Variants in CPE observed in about 807,000 individuals in gnomAD.
CPE encodes carboxypeptidase E.
CPE carries 17 observed loss-of-function variants against 53.5 expected under a neutral mutation model. The ratio of observed to expected loss-of-function variants is 0.32; its 90% confidence interval spans 0.22 to 0.48. CPE has a LOEUF of 0.48. Ranked by LOEUF, CPE falls within the 20% of genes least tolerant of loss-of-function variation. The pLI is 0.99. For synonymous variants in CPE, 226 were observed against 228.8 expected, an observed-to-expected ratio of 0.99 and a Z score of 0.11; for missense variants, 524 against 614.7, an observed-to-expected ratio of 0.85 and a Z score of 1.56.
intron 1 of CPE, among the ~76,000 whole-genome samples, chr4:165,382,909 C>G (rs1367376565): frequency 1.3e-5 from 2 of 152,174 alleles, no homozygotes; most frequent in African/African-American, 4.8e-5. Flanking sequence ...ATAGCCAAAC[C>G]TATTCTGTGA....
intron 1 of CPE, among the ~76,000 whole-genome samples, chr4:165,463,465 C>T (rs1474711220): frequency 6.6e-6 from 1 of 152,006 alleles, no homozygotes; most frequent in East Asian, 1.9e-4. Flanking sequence ...AAAAACAGAG[C>T]CACAGAGAAC....
At chr4:165,465,967 A>T (rs979088396) in intron 2 of CPE, among the ~76,000 whole-genome samples, 2 of 152,216 alleles carry the variant, frequency 1.3e-5, no homozygotes, top group Non-Finnish European at 2.9e-5. Flanking sequence ...AATTTGATAA[A>T]TATCTCTTTA....
In CPE at chr4:165,467,676, T is replaced by C. The variant is rs764962318; in HGVS notation, c.505-12T>C. The C allele has an allele frequency of 2.6e-6, 4 of 1,548,512 alleles. No homozygotes were observed. The Admixed American group carries it at 6.3e-5, about 25-fold the overall frequency. ...AACTAATGATTTTTCTCTTTGACTT[T>C]TTTTTTTTTAGCCTGGTGAACTCAA... is the stretch of plus-strand genomic sequence containing the variant. On this transcript the variant is annotated splice_polypyrimidine_tract_variant and intron_variant, in intron 2 of 8. Transcript: ENST00000402744.
intron 1 of CPE, among the ~76,000 whole-genome samples, chr4:165,383,851 G>C (rs1730542780): frequency 6.6e-6 from 1 of 152,196 alleles, no homozygotes. Flanking sequence ...TTAGATCCTA[G>C]AGAAGAATCT....
intron 5 of CPE, among the ~76,000 whole-genome samples, chr4:165,484,922 A>G (rs1732481954): frequency 6.6e-6 from 1 of 152,212 alleles, no homozygotes; most frequent in Non-Finnish European, 1.5e-5. Context: ...AGGGAATAAG[A>G]TGGCATCCTT....
intron 1 of CPE, among the ~76,000 whole-genome samples, chr4:165,427,501 A>G (rs1039573218): frequency 2.6e-5 from 4 of 152,156 alleles, no homozygotes; most frequent in African/African-American, 9.7e-5. Flanking sequence ...ATTCCATTTT[A>G]TGGACATGGC....
At position 165,475,680 on chromosome 4, in the gene CPE, T is replaced by G. The variant is rs76233058; in HGVS notation, c.673-6562T>G. Among the ~76,000 whole-genome samples, 536 of 152,102 alleles carry G rather than the reference T, an allele frequency of 3.5e-3. 4 individuals are homozygous for G. The highest frequency in any genetic ancestry group is 0.012 in the African/African-American group (517 of 41,496). On this transcript the variant is annotated intron_variant, in intron 3 of 8. Coordinates refer to ENST00000402744, the MANE Select transcript of CPE (RefSeq NM_001873.4). ...AGTGGTTTTGGGGAAATAGCCAACT[T>G]TAGTTGAAAAAGCAGAGGAAACCCC...
chr4:165,383,166 T>A (rs6827512), intron 1 of CPE, among the ~76,000 whole-genome samples: 40,871 of 152,038 alleles, frequency 0.27, 6,397 homozygotes, highest in African/African-American at 0.44. Flanking sequence ...GGAACTGGGA[T>A]GAAGAATGGG....
intron 1 of CPE, among the ~76,000 whole-genome samples, chr4:165,414,430 G>A (rs1249492968): frequency 1.3e-5 from 2 of 152,108 alleles, no homozygotes; most frequent in Admixed American, 6.6e-5. Context: ...AAAGTCAAAC[G>A]TTTGAAAAAT....
intron 1 of CPE, among the ~76,000 whole-genome samples, chr4:165,398,859 C>T (rs953674660): frequency 6.6e-6 from 1 of 152,024 alleles, no homozygotes; most frequent in Non-Finnish European, 1.5e-5. Flanking sequence ...AGGTACAGTT[C>T]TGTTAAACAA....
intron 3 of CPE, among the ~76,000 whole-genome samples, chr4:165,468,587 C>G (rs1259444034): frequency 6.6e-6 from 1 of 152,164 alleles, no homozygotes; most frequent in Non-Finnish European, 1.5e-5. Flanking sequence ...TTTTCCATCT[C>G]TGTCACCGCT....
chr4:165,463,983 G>T (rs1560889900), intron 1 of CPE, among the ~76,000 whole-genome samples: 1 of 152,214 alleles, frequency 6.6e-6, no homozygotes, highest in Non-Finnish European at 1.5e-5. Context: ...CCTGGCTGCC[G>T]CCTTCTCACT....
chr4:165,405,462 G>A (rs1730938128), intron 1 of CPE: 1 of 854,262 alleles, frequency 1.2e-6, no homozygotes, highest in African/African-American at 1.7e-5. Context: ...ATTTTCAGAG[G>A]TGTGGGATAA....
intron 1 of CPE, among the ~76,000 whole-genome samples, chr4:165,395,508 G>C (rs1212322438): frequency 1.3e-5 from 2 of 152,094 alleles, no homozygotes; most frequent in Non-Finnish European, 2.9e-5. Flanking sequence ...CCATTTCTTT[G>C]ACAGACTAAT....
At chr4:165,485,456 T>A (rs1391994373) in intron 5 of CPE, among the ~76,000 whole-genome samples, 1 of 152,178 alleles carries the variant, frequency 6.6e-6, no homozygotes, top group East Asian at 1.9e-4. Flanking sequence ...CTTTCTGATT[T>A]TTTTCTTTCT....
chr4:165,419,124 T>C (rs1731168458), intron 1 of CPE, among the ~76,000 whole-genome samples: 2 of 152,222 alleles, frequency 1.3e-5, no homozygotes, highest in African/African-American at 4.8e-5. Flanking sequence ...TTCTGCTATG[T>C]GCCTGAATAT....
intron 1 of CPE, among the ~76,000 whole-genome samples, chr4:165,427,334 G>GA (rs956237412): frequency 1.3e-5 from 2 of 150,432 alleles, no homozygotes; most frequent in Admixed American, 1.3e-4. Flanking sequence ...TTACCTTTTT[G>GA]TTTTTTTTTC....
chr4:165,449,054 G>A (rs563977310), intron 1 of CPE, among the ~76,000 whole-genome samples: 1 of 152,340 alleles, frequency 6.6e-6, no homozygotes, highest in Admixed American at 6.5e-5. Flanking sequence ...ACATGCACCT[G>A]TGTGTATTTG....
intron 1 of CPE, among the ~76,000 whole-genome samples, chr4:165,411,595 T>C (rs564303263): frequency 6.6e-6 from 1 of 152,334 alleles, no homozygotes; most frequent in East Asian, 1.9e-4. Flanking sequence ...TTTTTGAGTA[T>C]GGCCTGTTGA....
Sources: allele counts gnomAD v4.1 joint callset (sites outside exome capture counted in the v4.1 genomes callset), GRCh38; gene constraint gnomAD v4.1.1; transcripts MANE v1.5; gene names NCBI Gene and HGNC (gene_info 2026-07-23, HGNC 2026-07-21).